Variants in CADM2 observed in about 807,000 individuals in gnomAD.
CADM2 encodes cell adhesion molecule 2, also known as immunoglobulin superfamily member 4D.
CADM2 carries 12 observed loss-of-function variants against 49.8 expected under a neutral mutation model. The observed-to-expected ratio is 0.24, with a 90% CI of 0.15 to 0.39. The LOEUF (loss-of-function observed/expected upper bound fraction) is 0.39. Among genes scored for constraint, CADM2 ranks in the 10% least tolerant of loss-of-function variants. The pLI, the probability that CADM2 is intolerant of heterozygous loss-of-function variation, is 1.00. For synonymous variants in CADM2, 214 were observed against 175.4 expected (o/e 1.22, Z -1.74); for missense variants, 378 against 492.3 (o/e 0.77, Z 2.20).
At chr3:85,832,787 AC>A in intron 3 of CADM2, among the ~76,000 whole-genome samples, 1 of 151,934 alleles carries the variant, frequency 6.6e-6, no homozygotes, top group East Asian at 1.9e-4. Flanking sequence ...CTATTTGGAT[AC>A]CTTTTATTTC....
At chr3:85,759,723 A>T (rs2069284947) in intron 2 of CADM2, among the ~76,000 whole-genome samples, 3 of 152,076 alleles carry the variant, frequency 2.0e-5, no homozygotes, top group African/African-American at 7.2e-5. Context: ...TCTGGAAGTC[A>T]CCTGCCCACA....
At chr3:85,948,408 A>G (rs1346258611) in intron 7 of CADM2, among the ~76,000 whole-genome samples, 1 of 151,436 alleles carries the variant, frequency 6.6e-6, no homozygotes, top group Non-Finnish European at 1.5e-5. Context: ...TAAATGGATT[A>G]TTGTCCACCT....
intron 1 of CADM2, among the ~76,000 whole-genome samples, chr3:85,654,345 G>T (rs774763345): frequency 6.6e-6 from 1 of 152,164 alleles, no homozygotes; most frequent in Non-Finnish European, 1.5e-5. Context: ...GGGAAGAGGG[G>T]ATGGGAACTA....
intron 1 of CADM2, among the ~76,000 whole-genome samples, chr3:85,395,865 G>A (rs11714549): frequency 0.86 from 129,947 of 150,370 alleles, 56,291 homozygotes; most frequent in East Asian, 0.95. Context: ...TCACACCCAT[G>A]TTTTAATTAC....
chr3:85,570,922 A>G (rs1190882540), intron 1 of CADM2, among the ~76,000 whole-genome samples: 1 of 152,200 alleles, frequency 6.6e-6, no homozygotes, highest in Non-Finnish European at 1.5e-5. Flanking sequence ...GAAAAGGGAA[A>G]TGAGATTTTT....
At chr3:86,048,514 T>C (rs1017472594) in intron 8 of CADM2, among the ~76,000 whole-genome samples, 1 of 152,104 alleles carries the variant, frequency 6.6e-6, no homozygotes, top group African/African-American at 2.4e-5. Context: ...TAAACTTGCA[T>C]AGAATTTTAT....
At chr3:85,953,163 A>T (rs1355809573) in intron 7 of CADM2, among the ~76,000 whole-genome samples, 9 of 150,956 alleles carry the variant, frequency 6.0e-5, no homozygotes, top group Non-Finnish European at 1.2e-4. Context: ...TTAAACTAAA[A>T]TAATACTTTT....
chr3:85,465,162 A>G (rs1165958707), intron 1 of CADM2, among the ~76,000 whole-genome samples: 1 of 152,150 alleles, frequency 6.6e-6, no homozygotes, highest in East Asian at 1.9e-4. Flanking sequence ...AACAAAACAA[A>G]ACAAAACAAC....
Position 85,719,782 on chromosome 3 carries a change from A to C in CADM2, c.62-6740A>C, listed in dbSNP as rs1036821566. On this transcript the variant is annotated intron_variant, in intron 1 of 9. Coordinates refer to ENST00000383699, the MANE Select transcript of CADM2 (RefSeq NM_001167675.2). Reference sequence around the variant, plus strand: ...GGGTCAACTGTACCTAAAACAGGAAAACATCCAAGTTTTACTTAAATATTT... The same window carrying C: ...GGGTCAACTGTACCTAAAACAGGAACACATCCAAGTTTTACTTAAATATTT... Among the ~76,000 whole-genome samples, 8 of 152,264 alleles carry C rather than the reference A, an allele frequency of 5.3e-5. No homozygotes were observed. In the South Asian group the frequency reaches 1.7e-3, roughly 32 times the overall value.
intron 1 of CADM2, among the ~76,000 whole-genome samples, chr3:85,579,898 T>G (rs2062746031): frequency 6.6e-6 from 1 of 152,198 alleles, no homozygotes; most frequent in Non-Finnish European, 1.5e-5. Context: ...TGTGTACACA[T>G]TAATGTGTAT....
intron 1 of CADM2, among the ~76,000 whole-genome samples, chr3:85,365,198 A>ATTTTT (rs1491587351): frequency 2.3e-4 from 11 of 48,616 alleles, no homozygotes; most frequent in East Asian, 8.6e-4. Flanking sequence ...TTTTTTTTTT[A>ATTTTT]CTTTTTTTTT....
chr3:85,666,837 A>C (rs2065583183), intron 1 of CADM2, among the ~76,000 whole-genome samples: 1 of 151,950 alleles, frequency 6.6e-6, no homozygotes, highest in Non-Finnish European at 1.5e-5. Context: ...GGAGTTTCTC[A>C]AATGCCAGGG....
At chr3:85,474,263 G>A (rs1197069380) in intron 1 of CADM2, among the ~76,000 whole-genome samples, 1 of 151,706 alleles carries the variant, frequency 6.6e-6, no homozygotes, top group African/African-American at 2.4e-5. Flanking sequence ...GAACTCTGCA[G>A]AGTAGGCTAG....
intron 3 of CADM2, among the ~76,000 whole-genome samples, chr3:85,870,437 T>C (rs1021725988): frequency 3.9e-5 from 6 of 152,088 alleles, no homozygotes; most frequent in Admixed American, 1.3e-4. Flanking sequence ...CCCTAGTGTC[T>C]GTTCCCTTCT....
At chr3:85,618,753 A>T (rs192706736) in intron 1 of CADM2, among the ~76,000 whole-genome samples, 1 of 152,194 alleles carries the variant, frequency 6.6e-6, no homozygotes, top group Non-Finnish European at 1.5e-5. Flanking sequence ...TTTATTTTTT[A>T]TCATAAATTT....
intron 6 of CADM2, among the ~76,000 whole-genome samples, chr3:85,922,982 C>T (rs181641168): frequency 2.6e-5 from 4 of 151,898 alleles, no homozygotes; most frequent in African/African-American, 9.7e-5. Flanking sequence ...CCACCACACC[C>T]AGCTAATTTT....
At chr3:85,330,809 A>T (rs543617681) in intron 1 of CADM2, among the ~76,000 whole-genome samples, 1 of 151,212 alleles carries the variant, frequency 6.6e-6, no homozygotes, top group African/African-American at 2.4e-5. Flanking sequence ...AAAAAAAAAA[A>T]AATAGCTCGG....
chr3:85,997,507 T>A (rs1729577156), intron 8 of CADM2, among the ~76,000 whole-genome samples: 1 of 152,112 alleles, frequency 6.6e-6, no homozygotes, highest in Non-Finnish European at 1.5e-5. Flanking sequence ...ACTGGGAAAA[T>A]GGAAACATCA....
At chr3:84,992,216 AC>A (rs1475257729) in intron 1 of CADM2, among the ~76,000 whole-genome samples, 5 of 152,146 alleles carry the variant, frequency 3.3e-5, no homozygotes, top group Non-Finnish European at 7.3e-5. Context: ...AAATCTCTGT[AC>A]CTTCAGCTCA....
Sources: gnomAD v4.1 joint callset for allele counts (sites outside exome capture counted in the v4.1 genomes callset) on GRCh38, gnomAD v4.1.1 for gene constraint, MANE v1.5 for transcripts, NCBI Gene and HGNC (gene_info 2026-07-23, HGNC 2026-07-21) for gene names.